Variants in FGF14 observed in about 807,000 individuals in gnomAD.
FGF14 encodes the protein fibroblast growth factor 14.
In FGF14, 5 loss-of-function variants were observed where a neutral mutation model predicts 25.5. The observed-to-expected ratio is 0.20, with a 90% CI of 0.10 to 0.41. The LOEUF (loss-of-function observed/expected upper bound fraction) is 0.41. Ranked by LOEUF, FGF14 falls within the 10% of genes least tolerant of loss-of-function variation. FGF14 has a pLI of 1.00. For synonymous variants in FGF14, 138 were observed against 118.3 expected (o/e 1.17, Z -1.08); for missense variants, 222 against 320.1 (o/e 0.69, Z 2.34).
intron 3 of FGF14, among the ~76,000 whole-genome samples, chr13:101,832,807 T>C (rs2042740753): frequency 6.6e-6 from 1 of 152,058 alleles, no homozygotes; most frequent in Admixed American, 6.6e-5. Context: ...AGAAAGGTTT[T>C]AGGAGTAGTG....
chr13:101,953,073 T>C (rs555296031), intron 1 of FGF14, among the ~76,000 whole-genome samples: 1 of 152,106 alleles, frequency 6.6e-6, no homozygotes, highest in Admixed American at 6.6e-5. Flanking sequence ...GTTGTGTAGA[T>C]AGCCCATTTT....
intron 1 of FGF14, among the ~76,000 whole-genome samples, chr13:101,963,613 T>C (rs912256855): frequency 1.3e-5 from 2 of 152,354 alleles, no homozygotes; most frequent in Non-Finnish European, 2.9e-5. Flanking sequence ...TGACCATGGC[T>C]TTCAAGGATA....
At chr13:102,078,840 T>C (rs1595195766) in intron 1 of FGF14, among the ~76,000 whole-genome samples, 2 of 152,314 alleles carry the variant, frequency 1.3e-5, no homozygotes, top group Non-Finnish European at 2.9e-5. Context: ...TATAACATGA[T>C]CACATTCACC....
intron 1 of FGF14, among the ~76,000 whole-genome samples, chr13:102,024,217 T>A (rs148602372): frequency 1.3e-4 from 20 of 152,208 alleles, no homozygotes; most frequent in African/African-American, 4.6e-4. Flanking sequence ...TTCCAAAGTG[T>A]CTGTACCATT....
intron 1 of FGF14, among the ~76,000 whole-genome samples, chr13:102,169,084 C>T (rs1320514898): frequency 2.0e-5 from 3 of 151,434 alleles, no homozygotes; most frequent in Non-Finnish European, 4.4e-5. Context: ...GATCCCAGAT[C>T]CTACCTTAGG....
At chr13:102,150,170 G>A (rs2047020228) in intron 1 of FGF14, among the ~76,000 whole-genome samples, 1 of 152,026 alleles carries the variant, frequency 6.6e-6, no homozygotes, top group African/African-American at 2.4e-5. Context: ...AAGTCCCTTA[G>A]CATCTTTGAA....
At chr13:101,791,728 T>A (rs1445713463) in intron 3 of FGF14, among the ~76,000 whole-genome samples, 3 of 152,154 alleles carry the variant, frequency 2.0e-5, no homozygotes, top group Non-Finnish European at 4.4e-5. Flanking sequence ...TTTTAACTCT[T>A]CTGACCAACT....
At chr13:101,728,143 T>TG (rs2035566460) in intron 3 of FGF14, among the ~76,000 whole-genome samples, 1 of 152,156 alleles carries the variant, frequency 6.6e-6, no homozygotes, top group Non-Finnish European at 1.5e-5. Context: ...TGCTGTCTCA[T>TG]GCAGGAGACA....
chr13:102,281,900 T>C (rs926768481), intron 1 of FGF14, among the ~76,000 whole-genome samples: 6 of 152,112 alleles, frequency 3.9e-5, no homozygotes, highest in South Asian at 2.1e-4. Flanking sequence ...CAGGTCAAGA[T>C]TGATCATTTC....
At chr13:101,980,412 G>C (rs1566527333) in intron 1 of FGF14, among the ~76,000 whole-genome samples, 1 of 151,766 alleles carries the variant, frequency 6.6e-6, no homozygotes, top group African/African-American at 2.4e-5. Context: ...AAAAGTCTCT[G>C]CATATATGTA....
chr13:101,759,588 C>T (rs920384334), intron 3 of FGF14, among the ~76,000 whole-genome samples: 1 of 152,170 alleles, frequency 6.6e-6, no homozygotes, highest in African/African-American at 2.4e-5. Flanking sequence ...GACAGGTTCA[C>T]ATCATTCAAT....
chr13:101,716,725 T>C lies in FGF14; in HGVS notation c.*6106A>G, dbSNP rs2034737688. Reference sequence around the variant, plus strand: ...CTTACTTACTGGAAACCTGGGGTCATGCAAAGAAGTCAAGACGAGAAATAC... The same window carrying C: ...CTTACTTACTGGAAACCTGGGGTCACGCAAAGAAGTCAAGACGAGAAATAC... On this transcript the variant is annotated 3_prime_UTR_variant, in exon 5 of 5. Coordinates refer to ENST00000376143, the MANE Select transcript of FGF14 (RefSeq NM_004115.4). 1 of 148,650 alleles carries C rather than the reference T, an allele frequency of 6.7e-6. No homozygotes were observed. The highest frequency in any genetic ancestry group is 2.1e-4 in the South Asian group (1 of 4,768). 9.2% of individuals were successfully genotyped at this position (148,650 alleles called of 1,614,324 possible).
intron 1 of FGF14, chr13:102,263,273 T>C: frequency 3.0e-6 from 1 of 336,776 alleles, no homozygotes; most frequent in South Asian, 3.2e-5. Context: ...AAAAGCAGAT[T>C]TTATAGGATA....
rs562378489 is a variant in FGF14, at chr13:101,990,339, C to T, written c.209-115043G>A. On this transcript the variant is annotated intron_variant, in intron 1 of 4. Coordinates refer to the FGF14 transcript ENST00000376131. Reference sequence around the variant, plus strand: ...GTGAATTCTGCTTGCTCTTCCTAAACTGGAACTTTGAATTAGAATTTAGTG... The same window carrying T: ...GTGAATTCTGCTTGCTCTTCCTAAATTGGAACTTTGAATTAGAATTTAGTG... Among the ~76,000 whole-genome samples, 100 of 152,224 alleles carry T rather than the reference C, an allele frequency of 6.6e-4. 2 individuals carry two copies. The highest frequency in any genetic ancestry group is 6.5e-3 in the Admixed American group (99 of 15,286).
intron 1 of FGF14, among the ~76,000 whole-genome samples, chr13:102,249,569 T>A (rs1387471228): frequency 1.3e-5 from 2 of 151,982 alleles, no homozygotes; most frequent in African/African-American, 4.8e-5. Flanking sequence ...TGTGTGTGTG[T>A]GTGTGTGTAC....
At chr13:102,395,049 C>G (rs1339552003) in intron 1 of FGF14, 1 of 152,264 alleles carries the variant, frequency 6.6e-6, no homozygotes, top group Non-Finnish European at 1.5e-5. Flanking sequence ...AAGGAGAAAG[C>G]CAAATAGATC....
chr13:102,156,533 G>T lies in FGF14; in HGVS notation c.208+244938C>A, dbSNP rs186638763. Among the ~76,000 whole-genome samples the T allele has an allele frequency of 2.4e-3, 369 of 152,260 alleles. 3 individuals carry two copies. The highest frequency in any genetic ancestry group is 8.2e-3 in the African/African-American group (339 of 41,550). On this transcript the variant is annotated intron_variant, in intron 1 of 4. Transcript: ENST00000376131. ...TCTCAAAATCATAAGAGCTATTTAT[G>T]ACAAACCCACAGCCAATATCATACT...
intron 3 of FGF14, among the ~76,000 whole-genome samples, chr13:101,777,165 T>C (rs1202559260): frequency 6.6e-6 from 1 of 152,184 alleles, no homozygotes; most frequent in African/African-American, 2.4e-5. Flanking sequence ...GGGATGGTAT[T>C]AGACAGTGGG....
At chr13:102,097,024 G>A (rs891540963) in intron 1 of FGF14, among the ~76,000 whole-genome samples, 3 of 113,840 alleles carry the variant, frequency 2.6e-5, no homozygotes, top group African/African-American at 8.5e-5. Context: ...CAAATGACTG[G>A]AGGACTTTTT....
Sources: gnomAD v4.1 joint callset for allele counts (sites outside exome capture counted in the v4.1 genomes callset) on GRCh38, gnomAD v4.1.1 for gene constraint, MANE v1.5 for transcripts, NCBI Gene and HGNC (gene_info 2026-07-23, HGNC 2026-07-21) for gene names.